KIAA0586: variants seen among roughly 807,000 people sequenced by gnomAD.
The protein encoded by KIAA0586 is KIAA0586.
A neutral mutation model predicts 169.8 loss-of-function variants in KIAA0586; 144 were observed. That is an observed-to-expected ratio of 0.85 (90% CI 0.74 to 0.97). The LOEUF (loss-of-function observed/expected upper bound fraction) is 0.97, where lower values mean the gene tolerates loss of function less well. KIAA0586 is among the 50% of genes least tolerant of loss of function. The probability of loss-of-function intolerance (pLI) is 0.00; values close to 1 mark genes in which losing one functional copy is unlikely to be tolerated. For synonymous variants in KIAA0586, 625 were observed against 612.4 expected (o/e 1.02, Z -0.30); for missense variants, 1,854 against 1,823.0 (o/e 1.02, Z -0.31).
intron 24 of KIAA0586, among the ~76,000 whole-genome samples, chr14:58,489,884 A>G (rs1324966767): frequency 1.3e-5 from 2 of 152,146 alleles, no homozygotes; most frequent in Non-Finnish European, 2.9e-5. Flanking sequence ...TCAACAGTAT[A>G]TGAGAATACC....
chr14:58,429,288 A>C (rs1053384290), intron 1 of KIAA0586, 75 bp from the exon 2 acceptor site: 7 of 837,188 alleles, frequency 8.4e-6, no homozygotes, highest in African/African-American at 3.4e-5. Context: ...ATAGATCTTG[A>C]ATCATGCATA....
intron 17 of KIAA0586, among the ~76,000 whole-genome samples, chr14:58,471,469 T>C (rs2041208108): frequency 6.6e-6 from 1 of 152,228 alleles, no homozygotes; most frequent in Non-Finnish European, 1.5e-5. Flanking sequence ...AAGTTATGGC[T>C]TTACTACACA....
At chr14:58,540,214 A>G in intron 30 of KIAA0586, 78 bp downstream of exon 30, 1 of 784,758 alleles carries the variant, frequency 1.3e-6, no homozygotes, top group Non-Finnish European at 2.1e-6. Flanking sequence ...TTTCTCTCAT[A>G]ATAATCAACA....
chr14:58,512,910 T>C (rs1487254610), intron 29 of KIAA0586, among the ~76,000 whole-genome samples: 58 of 152,084 alleles, frequency 3.8e-4, no homozygotes, highest in Admixed American at 3.8e-3. Context: ...TACCAAGGTC[T>C]TTTTATCTGT....
At chr14:58,512,815 A>G (rs980478313) in intron 29 of KIAA0586, among the ~76,000 whole-genome samples, 188 bp downstream of exon 29, 24 of 152,068 alleles carry the variant, frequency 1.6e-4, no homozygotes, top group African/African-American at 5.6e-4. Flanking sequence ...TCTTTTTACC[A>G]GTAAACACTA....
At chr14:58,521,259 T>C in intron 29 of KIAA0586, 1 of 1,125,322 alleles carries the variant, frequency 8.9e-7, no homozygotes, top group Non-Finnish European at 1.3e-6. Context: ...GGATCCTCAC[T>C]CCATGAACTC....
At position 58,429,367 on chromosome 14, in the gene KIAA0586, A is replaced by G. The variant is rs766297378; in HGVS notation, c.204A>G (p.Ser68=). ...TCTATTCCTTTGTTTTGTTAGGTTC[A>G]TCAGACTTAACTTCTGCTAGAAATT... ...GTSLNGTSRG[S]SDLTSARNCY... is the part of the protein sequence containing the mutation. Residue 68 remains serine (S), a synonymous_variant, in exon 2 of 31, where the codon TCA becomes TCG. Coordinates refer to ENST00000652326, the MANE Select transcript of KIAA0586 (RefSeq NM_001329943.3). 2 of 1,581,672 alleles carry G rather than the reference A, an allele frequency of 1.3e-6. No individual in the cohort carries two copies. Among genetic ancestry groups the G allele is most frequent in the East Asian group, 2.2e-5 (1 of 44,570 alleles).
In KIAA0586 at chr14:58,444,118, T is replaced by A. The variant is rs577258273; in HGVS notation, c.750T>A (p.Phe250Leu). The A allele has an allele frequency of 1.1e-4, 171 of 1,613,750 alleles. 1 individual carries two copies. The South Asian group carries it at 1.8e-3, about 17-fold the overall frequency. Residue 250 changes from phenylalanine to leucine, a missense_variant, in exon 6 of 31, where the codon TTT becomes TTA. Phe to Leu is a conservative substitution (Grantham distance 22). Coordinates refer to ENST00000652326, the MANE Select transcript of KIAA0586 (RefSeq NM_001329943.3). Reference protein sequence around the residue: ...CHDHEKQMNVFMEQHIRHLEK... With the variant: ...CHDHEKQMNVLMEQHIRHLEK... ...ATCACGAAAAGCAAATGAATGTGTT[T>A]ATGGAGCAGCACATAAGGCATCTTG...
At chr14:58,537,326 C>A (rs1448144490) in intron 29 of KIAA0586, 1 of 252,204 alleles carries the variant, frequency 4.0e-6, no homozygotes, top group Non-Finnish European at 6.3e-6. Context: ...ACAGCAACAA[C>A]CATATGTCAT....
At chr14:58,561,141 A>G in the KIAA0586 span, among the ~76,000 whole-genome samples, 2 of 152,230 alleles carry the variant, frequency 1.3e-5, no homozygotes, top group African/African-American at 4.8e-5. Context: ...ACATCATTAT[A>G]TCATCACTTT....
At position 58,456,067 on chromosome 14, in the gene KIAA0586, G is replaced by A. The variant is rs181466296; in HGVS notation, c.1254-635G>A. 7.0e-4 allele frequency among the ~76,000 whole-genome samples: 106 copies of A among 152,048 alleles called. 1 individual carries two copies. The highest frequency in any genetic ancestry group is 6.8e-3 in the Middle Eastern group (2 of 294). ...AAAAATGCCCTGGGGATACTTTCTC[G>A]CTGAGCTAGCAGTGAGTCAGTTCAA... On this transcript the variant is annotated intron_variant, in intron 9 of 30. Transcript: ENST00000652326.
At chr14:58,502,200 A>G (rs2043619031) in intron 27 of KIAA0586, among the ~76,000 whole-genome samples, 1 of 151,650 alleles carries the variant, frequency 6.6e-6, no homozygotes, top group African/African-American at 2.4e-5. Flanking sequence ...CAGTGGTGCG[A>G]TCTCAGCTCA....
At chr14:58,479,009 T>C (rs1390625929) in intron 20 of KIAA0586, among the ~76,000 whole-genome samples, 2 of 152,260 alleles carry the variant, frequency 1.3e-5, no homozygotes, top group Non-Finnish European at 2.9e-5. Flanking sequence ...AAAGCTGCTA[T>C]GAACATTTGT....
chr14:58,501,334 A>G (rs923080361), intron 27 of KIAA0586, among the ~76,000 whole-genome samples: 2 of 152,254 alleles, frequency 1.3e-5, no homozygotes, highest in African/African-American at 4.8e-5. Context: ...TAAAATTTGT[A>G]GGATTCAAAT....
In KIAA0586 at chr14:58,548,051, A is replaced by G. The variant is rs953340132; in HGVS notation, c.*119A>G. The G allele has an allele frequency of 6.8e-6, 8 of 1,176,470 alleles. No individual in the cohort carries two copies. Among genetic ancestry groups the G allele is most frequent in the African/African-American group, 4.7e-5 (3 of 63,922 alleles). 72.9% of individuals were successfully genotyped at this position (1,176,470 alleles called of 1,614,324 possible). ...AGCATATTCTGAAAAAAAAATTCCA[A>G]TATTTTAAAATAAAACAAAAAGCAT... On this transcript the variant is annotated 3_prime_UTR_variant, in exon 31 of 31. Transcript: ENST00000652326.
chr14:58,461,912 ATTTAAATACAAC>A (rs2040355249), intron 14 of KIAA0586, among the ~76,000 whole-genome samples: 1 of 152,190 alleles, frequency 6.6e-6, no homozygotes, highest in South Asian at 2.1e-4. Context: ...GGTACTGTGT[ATTTAAATACAAC>A]TTTTGGTTAT....
intron 29 of KIAA0586, among the ~76,000 whole-genome samples, chr14:58,536,013 C>T (rs28705979): frequency 0.013 from 1,995 of 152,008 alleles, 50 homozygotes; most frequent in African/African-American, 0.045. Context: ...CTGAAAATAG[C>T]ATTGAAGAGT....
In KIAA0586 at chr14:58,519,477, A is replaced by G. The variant is rs79946204; in HGVS notation, c.4429+6850A>G. ...AGGTTAACTAATTTTCCCAAAGCAC[A>G]TAATTTAGAAAATGAAGATCTGGAA... On this transcript the variant is annotated intron_variant, in intron 29 of 30. Transcript: ENST00000652326. Among the ~76,000 whole-genome samples the G allele has an allele frequency of 2.1e-3, 327 of 152,328 alleles. 8 individuals are homozygous for G. In the East Asian group the frequency reaches 0.049, roughly 23 times the overall value.
chr14:58,528,080 A>G (rs1279700362), intron 29 of KIAA0586, among the ~76,000 whole-genome samples: 5 of 152,198 alleles, frequency 3.3e-5, no homozygotes, highest in Non-Finnish European at 5.9e-5. Context: ...AACAGACTAA[A>G]CCAACAAAGA....
Sources: gnomAD v4.1 joint callset for allele counts (sites outside exome capture counted in the v4.1 genomes callset) on GRCh38, gnomAD v4.1.1 for gene constraint, MANE v1.5 for transcripts, NCBI Gene and HGNC (gene_info 2026-07-23, HGNC 2026-07-21) for gene names.